Variants in MAF observed in about 807,000 individuals in gnomAD.
The protein encoded by MAF is MAF bZIP transcription factor.
A neutral mutation model predicts 22.0 loss-of-function variants in MAF; 10 were observed. The observed-to-expected ratio is 0.45, with a 90% CI of 0.28 to 0.77. The LOEUF is 0.77. MAF is among the 30% of genes least tolerant of loss of function. MAF has a pLI of 0.12. For synonymous variants in MAF, 337 were observed against 255.8 expected (o/e 1.32, Z -3.03); for missense variants, 544 against 548.4 (o/e 0.99, Z 0.08).
downstream of MAF, among the ~76,000 whole-genome samples, chr16:79,593,108 A>AAG (rs976736613): frequency 1.1e-4 from 17 of 151,968 alleles, no homozygotes; most frequent in Non-Finnish European, 7.4e-5. Flanking sequence ...AAAAAACAAA[A>AAG]AGAGAGAGAG....
At chr16:79,395,185 G>A in the MAF span, among the ~76,000 whole-genome samples, 3 of 152,192 alleles carry the variant, frequency 2.0e-5, no homozygotes, top group Non-Finnish European at 2.9e-5. Context: ...CGATGAGGTT[G>A]AAGGGGCAGC....
chr16:79,220,209 T>C, the MAF span, among the ~76,000 whole-genome samples: 1 of 135,354 alleles, frequency 7.4e-6, no homozygotes, highest in Admixed American at 8.8e-5. Context: ...TGAGCTCAGA[T>C]GGTGCCAATG....
the MAF span, among the ~76,000 whole-genome samples, chr16:79,324,686 G>A: frequency 2.6e-5 from 4 of 152,154 alleles, no homozygotes; most frequent in Non-Finnish European, 5.9e-5. Context: ...TACAGAAAGG[G>A]GAGGAGGCAC....
the MAF span, among the ~76,000 whole-genome samples, chr16:79,230,379 G>A: frequency 1.3e-5 from 2 of 152,252 alleles, no homozygotes; most frequent in South Asian, 2.1e-4. Flanking sequence ...CTGAGGCTCG[G>A]AGAGTCACCA....
the MAF span, among the ~76,000 whole-genome samples, chr16:79,418,182 A>G: frequency 6.6e-6 from 1 of 152,208 alleles, no homozygotes; most frequent in Non-Finnish European, 1.5e-5. Context: ...CACAGGCTCC[A>G]GCGCGGCTGG....
the MAF span, among the ~76,000 whole-genome samples, chr16:79,372,163 G>A: frequency 1.3e-5 from 2 of 150,170 alleles, no homozygotes; most frequent in Non-Finnish European, 2.9e-5. Flanking sequence ...CTGGGTTCCA[G>A]ATGGTTTTTT....
chr16:79,346,134 C>T, the MAF span, among the ~76,000 whole-genome samples: 2 of 151,732 alleles, frequency 1.3e-5, no homozygotes, highest in Non-Finnish European at 2.9e-5. Context: ...CCCATTAACT[C>T]ATCATTTAGC....
chr16:79,504,007 T>A, the MAF span, among the ~76,000 whole-genome samples: 1 of 152,148 alleles, frequency 6.6e-6, no homozygotes, highest in Non-Finnish European at 1.5e-5. Context: ...TCAGTAAATA[T>A]CCCCAAATTT....
chr16:79,220,956 C>T, the MAF span, among the ~76,000 whole-genome samples: 4 of 152,136 alleles, frequency 2.6e-5, no homozygotes, highest in Non-Finnish European at 5.9e-5. Flanking sequence ...CTCTCTTTCC[C>T]GTCTGGAACC....
chr16:79,323,851 G>T, the MAF span, among the ~76,000 whole-genome samples: 1 of 152,162 alleles, frequency 6.6e-6, no homozygotes, highest in Non-Finnish European at 1.5e-5. Flanking sequence ...TGACCTTGGG[G>T]GAAAGTGACC....
At chr16:79,505,960 AAAGAAAATAGAGAAGG>A in the MAF span, among the ~76,000 whole-genome samples, 14 of 152,210 alleles carry the variant, frequency 9.2e-5, no homozygotes, top group African/African-American at 3.1e-4. Flanking sequence ...AGAAAGAAAG[AAAGAAAATAGAGAAGG>A]AGCAAAAGAA....
At chr16:79,464,802 G>C in the MAF span, among the ~76,000 whole-genome samples, 36 of 152,170 alleles carry the variant, frequency 2.4e-4, no homozygotes, top group Non-Finnish European at 7.3e-5. Flanking sequence ...GAAAATTCCA[G>C]GACAGGTTAC....
the MAF span, among the ~76,000 whole-genome samples, chr16:79,376,115 A>T: frequency 2.0e-5 from 3 of 152,276 alleles, no homozygotes; most frequent in East Asian, 5.8e-4. Flanking sequence ...GGAGAGAAAA[A>T]AAAAAGAGCA....
chr16:79,448,145 G>C, the MAF span, among the ~76,000 whole-genome samples: 95 of 152,296 alleles, frequency 6.2e-4, 1 homozygote, highest in African/African-American at 2.2e-3. Context: ...AAGGAATTCT[G>C]CTGTGGGTAA....
the MAF span, among the ~76,000 whole-genome samples, chr16:79,356,113 G>T: frequency 2.6e-5 from 4 of 151,546 alleles, no homozygotes; most frequent in East Asian, 3.9e-4. Flanking sequence ...ATTCAAGCAC[G>T]TACACACTCA....
At chr16:79,302,766 C>T in the MAF span, among the ~76,000 whole-genome samples, 61 of 152,350 alleles carry the variant, frequency 4.0e-4, no homozygotes, top group Middle Eastern at 3.4e-3. Context: ...TTATTCAAAA[C>T]CTGGACCTTG....
the MAF span, among the ~76,000 whole-genome samples, chr16:79,262,841 G>C: frequency 6.6e-6 from 1 of 152,196 alleles, no homozygotes; most frequent in Non-Finnish European, 1.5e-5. Flanking sequence ...GCTGGTGGGT[G>C]AACGGTATTG....
At chr16:79,424,217 GAAAAT>G in the MAF span, among the ~76,000 whole-genome samples, 1 of 152,130 alleles carries the variant, frequency 6.6e-6, no homozygotes, top group Non-Finnish European at 1.5e-5. Flanking sequence ...TTGTCTGAAG[GAAAAT>G]AAAATAATAA....
chr16:79,556,635 T>A, the MAF span, among the ~76,000 whole-genome samples: 2 of 152,222 alleles, frequency 1.3e-5, no homozygotes, highest in African/African-American at 4.8e-5. Context: ...AGTAGATCCT[T>A]GGGCAGCCTT....
Sources: gnomAD v4.1 joint callset for allele counts (sites outside exome capture counted in the v4.1 genomes callset) on GRCh38, gnomAD v4.1.1 for gene constraint, MANE v1.5 for transcripts, NCBI Gene and HGNC (gene_info 2026-07-23, HGNC 2026-07-21) for gene names.